MSI2: variants seen among roughly 807,000 people sequenced by gnomAD.
MSI2 encodes RNA-binding protein Musashi homolog 2.
In MSI2, 17 loss-of-function variants were observed where a neutral mutation model predicts 45.6. The ratio of observed to expected loss-of-function variants is 0.37; its 90% CI spans 0.26 to 0.56. The LOEUF is 0.56. MSI2 is among the 20% of genes least tolerant of loss of function. The pLI is 0.77. For missense variants in MSI2, 293 were observed against 444.2 expected (o/e 0.66, Z 3.06); for synonymous variants, 156 against 158.2 (o/e 0.99, Z 0.11).
At chr17:57,429,182 C>T (rs1368875179) in intron 6 of MSI2, among the ~76,000 whole-genome samples, 2 of 152,088 alleles carry the variant, frequency 1.3e-5, no homozygotes, top group Non-Finnish European at 2.9e-5. Flanking sequence ...CTAGATGGCA[C>T]CTGGGCTATG....
intron 6 of MSI2, among the ~76,000 whole-genome samples, chr17:57,463,890 A>C (rs1471368183): frequency 6.6e-6 from 1 of 152,038 alleles, no homozygotes; most frequent in Non-Finnish European, 1.5e-5. Context: ...GGATCCTTAG[A>C]CTGGAACACT....
intron 5 of MSI2, among the ~76,000 whole-genome samples, chr17:57,345,536 TTAAC>T (rs1915527864): frequency 6.6e-6 from 1 of 152,198 alleles, no homozygotes; most frequent in African/African-American, 2.4e-5. Context: ...TTTTTAAAAA[TTAAC>T]TAAAGTCCAG....
At chr17:57,263,616 GA>G (rs1013475423) in intron 5 of MSI2, 4 of 152,218 alleles carry the variant, frequency 2.6e-5, no homozygotes, top group Admixed American at 6.5e-5. Flanking sequence ...ACCCAAGAGG[GA>G]AGCTGGAAAA....
intron 5 of MSI2, among the ~76,000 whole-genome samples, chr17:57,285,222 C>G (rs919332702): frequency 1.3e-5 from 2 of 152,138 alleles, no homozygotes; most frequent in African/African-American, 4.8e-5. Flanking sequence ...TCAGAGTAGC[C>G]GGAGTTTCAG....
intron 10 of MSI2, among the ~76,000 whole-genome samples, chr17:57,641,522 G>T (rs923882660): frequency 6.6e-6 from 1 of 152,196 alleles, no homozygotes; most frequent in Non-Finnish European, 1.5e-5. Flanking sequence ...GCAGTTGGGT[G>T]TCTGAAGTTT....
chr17:57,589,266 A>G (rs919538543), intron 7 of MSI2, among the ~76,000 whole-genome samples: 2 of 152,226 alleles, frequency 1.3e-5, no homozygotes, highest in African/African-American at 4.8e-5. Context: ...TGATTTCCCA[A>G]CATGGCAGCC....
At position 57,529,777 on chromosome 17, in the gene MSI2, G is replaced by A. The variant is rs1283258264; in HGVS notation, c.454+53G>A. 6.8e-6 allele frequency: 10 copies of A among 1,467,020 alleles called. No homozygotes were observed. The highest frequency in any genetic ancestry group is 8.5e-6 in the Non-Finnish European group (9 of 1,060,462). 90.9% of individuals were successfully genotyped at this position (1,467,020 alleles called of 1,614,324 possible). A position where few individuals can be genotyped will look rare whatever the true frequency, so the allele number is the denominator to read the frequency against. ...GCGTTCACCCTCTCCTGGCCTCTCT[G>A]TCTGTCATCCCCAGTCCCACTGACA... On this transcript the variant is annotated intron_variant, in intron 7 of 13. Transcript: ENST00000284073. This position sits in a 1 kb window ranked among gnomAD's most constrained non-coding sequence, Gnocchi z 5.3.
At chr17:57,615,751 A>G (rs1021189336) in intron 8 of MSI2, among the ~76,000 whole-genome samples, 1 of 152,090 alleles carries the variant, frequency 6.6e-6, no homozygotes, top group Non-Finnish European at 1.5e-5. Context: ...CCCCTCCAGA[A>G]CCCAGTTTCA....
intron 6 of MSI2, among the ~76,000 whole-genome samples, chr17:57,446,892 G>A (rs12948717): frequency 0.12 from 18,395 of 152,094 alleles, 1,260 homozygotes; most frequent in African/African-American, 0.16. Flanking sequence ...AGAAAAGCTG[G>A]GGTCAGGTTG....
chr17:57,674,931 C>A, intron 11 of MSI2, 41 bp from the exon 12 acceptor site: 2 of 1,610,648 alleles, frequency 1.2e-6, no homozygotes, highest in Non-Finnish European at 1.7e-6. Context: ...TGAATAGCTA[C>A]AGTGCTCAAC....
intron 5 of MSI2, among the ~76,000 whole-genome samples, chr17:57,285,376 A>G (rs1006947621): frequency 6.6e-6 from 1 of 152,188 alleles, no homozygotes; most frequent in Non-Finnish European, 1.5e-5. Flanking sequence ...AGGAACAAAT[A>G]AAGGGGAAGT....
At chr17:57,586,839 C>T (rs1342013530) in intron 7 of MSI2, among the ~76,000 whole-genome samples, 1 of 127,364 alleles carries the variant, frequency 7.9e-6, no homozygotes, top group African/African-American at 2.8e-5. Flanking sequence ...GTGGCAAAAC[C>T]CCATCTCCTT....
intron 7 of MSI2, among the ~76,000 whole-genome samples, chr17:57,568,660 A>G (rs1297414555): frequency 6.6e-6 from 1 of 152,170 alleles, no homozygotes; most frequent in Non-Finnish European, 1.5e-5. Flanking sequence ...AGGCCTTCAC[A>G]CTAAACCCGG....
chr17:57,569,998 G>A (rs1053817380), intron 7 of MSI2, among the ~76,000 whole-genome samples: 3 of 152,116 alleles, frequency 2.0e-5, no homozygotes, highest in Non-Finnish European at 2.9e-5. Context: ...CACGAGCCAC[G>A]GCTGACACAC....
At position 57,342,016 on chromosome 17, in the gene MSI2, A is replaced by G. The variant is rs75710177; in HGVS notation, c.313-59363A>G. Among the ~76,000 whole-genome samples the G allele has an allele frequency of 9.9e-5, 15 of 152,282 alleles. 1 individual carries two copies. In the East Asian group the frequency reaches 2.9e-3, roughly 29 times the overall value. The stretch of plus-strand genomic sequence containing the variant: ...CTGATTTGCATGTTAGAGCAGAGTA[A>G]TTGGTGTTTAACCAGAACAAAAGAG... On this transcript the variant is annotated intron_variant, in intron 5 of 13. Transcript: ENST00000284073.
intron 6 of MSI2, among the ~76,000 whole-genome samples, chr17:57,431,692 C>T (rs2084597125): frequency 2.0e-5 from 3 of 152,214 alleles, no homozygotes; most frequent in African/African-American, 2.4e-5. Context: ...TTGCATTCCT[C>T]CCCTTACCTG....
At chr17:57,528,250 T>C (rs1266960455) in intron 6 of MSI2, among the ~76,000 whole-genome samples, 2 of 152,308 alleles carry the variant, frequency 1.3e-5, no homozygotes, top group East Asian at 1.9e-4. Flanking sequence ...GCTAAAGATG[T>C]GTGCTCTGTG....
chr17:57,430,191 A>G (rs185781604), intron 6 of MSI2, among the ~76,000 whole-genome samples: 6 of 152,358 alleles, frequency 3.9e-5, no homozygotes, highest in African/African-American at 1.2e-4. Flanking sequence ...TTCTGTAGCC[A>G]CCGAAGAAAA....
chr17:57,549,653 C>T (rs2144177180), intron 7 of MSI2, among the ~76,000 whole-genome samples: 1 of 152,308 alleles, frequency 6.6e-6, no homozygotes. Context: ...TACAGTCTAG[C>T]CCCTCCATTT....
Sources: allele counts gnomAD v4.1 joint callset (sites outside exome capture counted in the v4.1 genomes callset), GRCh38; gene constraint gnomAD v4.1.1; non-coding constraint Gnocchi (gnomAD v3.1); transcripts MANE v1.5; gene names NCBI Gene and HGNC (gene_info 2026-07-23, HGNC 2026-07-21).